The following ANOS1 variants were observed in gnomAD, a reference collection of about 807,000 sequenced individuals.
ANOS1 encodes the protein anosmin-1.
In ANOS1, 6 loss-of-function variants were observed where a neutral mutation model predicts 59.0. The ratio of observed to expected loss-of-function variants is 0.10; its 90% CI spans 0.06 to 0.20. The LOEUF (loss-of-function observed/expected upper bound fraction) is 0.20, where lower values mean the gene tolerates loss of function less well. ANOS1 is among the 10% of genes least tolerant of loss of function. The probability of loss-of-function intolerance (pLI) is 1.00; values close to 1 mark genes in which losing one functional copy is unlikely to be tolerated. For missense variants in ANOS1, 433 were observed against 542.3 expected (o/e 0.80, Z 2.00); for synonymous variants, 217 against 223.4 (o/e 0.97, Z 0.25).
At chrX:8,611,600 TA>T (rs36093311) in intron 3 of ANOS1, among the ~76,000 whole-genome samples, 41,494 of 109,612 alleles carry the variant, frequency 0.38, 5,792 homozygotes, top group South Asian at 0.43. Flanking sequence ...ATAGAAAAAT[TA>T]AAAGATACTT....
At chrX:8,628,387 G>A (rs916209563) in intron 2 of ANOS1, among the ~76,000 whole-genome samples, 7 of 111,654 alleles carry the variant, frequency 6.3e-5, no homozygotes, top group African/African-American at 2.3e-4. Flanking sequence ...TCTGCCTATG[G>A]CACAGCCACC....
chrX:8,571,793 G>A (rs899727498), intron 6 of ANOS1, among the ~76,000 whole-genome samples: 1 of 111,892 alleles, frequency 8.9e-6, no homozygotes, highest in African/African-American at 3.3e-5. Context: ...TTTACAGAGG[G>A]TTTCATTTCA....
intron 2 of ANOS1, among the ~76,000 whole-genome samples, chrX:8,643,157 A>T (rs1281990999): frequency 1.8e-5 from 2 of 111,718 alleles, no homozygotes; most frequent in African/African-American, 6.5e-5. Flanking sequence ...AAACTTAGAG[A>T]CATATCAATG....
chrX:8,534,210 T>A (rs112350243), intron 13 of ANOS1, 109 bp downstream of exon 13: 32 of 806,917 alleles, frequency 4.0e-5, no homozygotes, highest in African/African-American at 3.1e-4. Flanking sequence ...TTTCCCTATC[T>A]CATAGAAACC....
intron 8 of ANOS1, among the ~76,000 whole-genome samples, chrX:8,557,001 C>T (rs1929960684): frequency 9.0e-6 from 1 of 111,401 alleles, no homozygotes; most frequent in South Asian, 3.8e-4. Flanking sequence ...TGGAACAGAA[C>T]AGAGGCCTCA....
chrX:8,596,129 T>C (rs1446371837), intron 4 of ANOS1, among the ~76,000 whole-genome samples: 1 of 111,301 alleles, frequency 9.0e-6, no homozygotes, highest in Non-Finnish European at 1.9e-5. Flanking sequence ...AATTATTTCA[T>C]TACATATTAC....
intron 4 of ANOS1, among the ~76,000 whole-genome samples, chrX:8,589,930 C>A (rs1050995658): frequency 1.4e-4 from 16 of 111,997 alleles, no homozygotes; most frequent in African/African-American, 4.2e-4. Flanking sequence ...TTGCAGCTAA[C>A]AACATTTAGT....
chrX:8,661,704 A>C (rs964534947), intron 2 of ANOS1, among the ~76,000 whole-genome samples: 1 of 108,310 alleles, frequency 9.2e-6, no homozygotes, highest in African/African-American at 3.5e-5. Flanking sequence ...GTAATAAAGA[A>C]CCACCTTCCC....
At chrX:8,622,648 C>T (rs1417013827) in intron 3 of ANOS1, among the ~76,000 whole-genome samples, 1 of 112,016 alleles carries the variant, frequency 8.9e-6, no homozygotes, top group Non-Finnish European at 1.9e-5. Flanking sequence ...TCATTCTCTA[C>T]TATTCTCCCC....
At chrX:8,565,446 C>T (rs940436268) in intron 8 of ANOS1, among the ~76,000 whole-genome samples, 3 of 111,206 alleles carry the variant, frequency 2.7e-5, no homozygotes, top group Non-Finnish European at 5.7e-5. Context: ...GAGTGGAACT[C>T]CAAAAAGAGA....
intron 4 of ANOS1, among the ~76,000 whole-genome samples, chrX:8,591,907 T>C (rs1309671364): frequency 8.9e-6 from 1 of 112,661 alleles, no homozygotes; most frequent in African/African-American, 3.2e-5. Flanking sequence ...TTGAACAAAT[T>C]AGTCATCTGA....
At position 8,554,056 on chromosome X, in the gene ANOS1, T is replaced by C. The variant is rs1349634113; in HGVS notation, c.1250A>G (p.Gln417Arg). 6 of 1,205,779 alleles carry C rather than the reference T, an allele frequency of 5.0e-6. No individual in the cohort carries two copies. Among genetic ancestry groups the C allele is most frequent in the South Asian group, 1.8e-5 (1 of 56,796 alleles). ...GGGTCGTCGTCTTTGAAAAGGGAGT[T>C]GTGTTTGAATTCCACCTTTTCTAGT... ...VKTRKGGIQT[Q>R]LPFQRRRPTR... Residue 417 changes from glutamine (Q) to arginine (R), a missense_variant, in exon 9 of 14, where the codon CAA becomes CGA. Gln to Arg is a conservative substitution (Grantham distance 43). Transcript: ENST00000262648.
At chrX:8,568,052 T>C (rs1426108933) in intron 8 of ANOS1, among the ~76,000 whole-genome samples, 180 bp downstream of exon 8, 1 of 111,937 alleles carries the variant, frequency 8.9e-6, no homozygotes, top group African/African-American at 3.2e-5. Flanking sequence ...AAGAAAGAAT[T>C]CAAAAGTCAA....
rs1187286834 is a variant in ANOS1 at position 8,528,891 on chromosome X, T to C, written c.*4104A>G. The C allele has an allele frequency of 9.0e-6, 1 of 111,477 alleles. No homozygotes were observed. Among genetic ancestry groups the C allele is most frequent in the Non-Finnish European group, 1.9e-5 (1 of 53,192 alleles). 9.2% of individuals were successfully genotyped at this position (111,477 alleles called of 1,213,427 possible). A position where few individuals can be genotyped will look rare whatever the true frequency, so the allele number is the denominator to read the frequency against. ...CTCCTTGGTCTGGTTTAAGGATACT[T>C]TATTATTGAACCAGTATGTACAAAC... On this transcript the variant is annotated 3_prime_UTR_variant, in exon 14 of 14. Coordinates refer to ENST00000262648, the MANE Select transcript of ANOS1 (RefSeq NM_000216.4).
intron 3 of ANOS1, among the ~76,000 whole-genome samples, chrX:8,620,128 A>T (rs189079575): frequency 0.011 from 1,216 of 110,651 alleles, 19 homozygotes; most frequent in African/African-American, 0.038. Context: ...GAATTAAAAA[A>T]CTTTTTCTAT....
intron 9 of ANOS1, among the ~76,000 whole-genome samples, chrX:8,548,311 G>A (rs1929802966): frequency 8.9e-6 from 1 of 112,008 alleles, no homozygotes; most frequent in South Asian, 3.7e-4. Flanking sequence ...AGGGCTTAGC[G>A]TACTCAGTAG....
At chrX:8,576,774 C>A (rs763170963) in intron 6 of ANOS1, among the ~76,000 whole-genome samples, 16 of 111,081 alleles carry the variant, frequency 1.4e-4, no homozygotes, top group Non-Finnish European at 2.6e-4. Context: ...ACAATACACA[C>A]CTCTACATGC....
Position 8,536,791 on chromosome X carries a change from A to G in ANOS1, c.1601T>C (p.Val534Ala). The G allele has an allele frequency of 8.3e-7, 1 of 1,209,102 alleles. No homozygotes were observed. The highest frequency in any genetic ancestry group is 1.1e-6 in the Non-Finnish European group (1 of 893,728). Residue 534 changes from valine to alanine, a missense_variant, in exon 11 of 14, where the codon GTT (valine) becomes GCT (alanine). Coordinates refer to ENST00000262648, the MANE Select transcript of ANOS1 (RefSeq NM_000216.4). ...CGTACCTGCTTCGCCCAGGCAGCCA[A>G]CAGGCTTGTGGCTCTTCCCCTTAAG... ...SALKGKSHKP[V>A]GCLGEAGHVL...
intron 6 of ANOS1, among the ~76,000 whole-genome samples, chrX:8,579,183 C>T (rs2079862): frequency 0.38 from 41,964 of 111,073 alleles, 5,923 homozygotes; most frequent in African/African-American, 0.47. Flanking sequence ...TAAACACCAA[C>T]TTACTGAAAA....
Sources: gnomAD v4.1 joint callset for allele counts (sites outside exome capture counted in the v4.1 genomes callset) on GRCh38, gnomAD v4.1.1 for gene constraint, MANE v1.5 for transcripts, NCBI Gene and HGNC (gene_info 2026-07-23, HGNC 2026-07-21) for gene names.